The following TDRD5 variants were observed in gnomAD, a reference collection of about 807,000 sequenced individuals.
The protein encoded by TDRD5 is tudor domain containing 5, also known as tudor domain-containing protein 5.
In TDRD5, 41 loss-of-function variants were observed where a neutral mutation model predicts 120.6. The ratio of observed to expected loss-of-function variants is 0.34; its 90% CI spans 0.26 to 0.44. TDRD5 has a LOEUF of 0.44. Among genes scored for constraint, TDRD5 ranks in the 20% least tolerant of loss-of-function variants. The pLI is 1.00. For synonymous variants in TDRD5, 430 were observed against 433.7 expected, an observed-to-expected ratio of 0.99 and a Z score of 0.11; for missense variants, 1,006 against 1,221.2, an observed-to-expected ratio of 0.82 and a Z score of 2.63.
intron 16 of TDRD5, among the ~76,000 whole-genome samples, chr1:179,668,195 G>T (rs1679651603): frequency 6.6e-6 from 1 of 152,192 alleles, no homozygotes. Context: ...TTAAGCTCAA[G>T]TTCAATCTCA....
intron 11 of TDRD5, among the ~76,000 whole-genome samples, chr1:179,648,406 A>G (rs1678513793): frequency 8.7e-6 from 1 of 114,948 alleles, no homozygotes; most frequent in South Asian, 3.2e-4. Context: ...ATGAGAACAC[A>G]TGGACACAGG....
intron 2 of TDRD5, 24 bp downstream of exon 2, chr1:179,592,871 C>A: frequency 6.3e-7 from 1 of 1,598,642 alleles, no homozygotes; most frequent in South Asian, 1.1e-5. Flanking sequence ...TTTTGAAGGT[C>A]TATAAACTTT....
intron 6 of TDRD5, among the ~76,000 whole-genome samples, chr1:179,625,688 A>G (rs901693058): frequency 3.9e-5 from 6 of 152,192 alleles, no homozygotes; most frequent in Middle Eastern, 3.2e-3. Flanking sequence ...TCAAAGACTT[A>G]TATGATAGTA....
chr1:179,645,364 C>T (rs1678297597), intron 11 of TDRD5, among the ~76,000 whole-genome samples: 1 of 152,048 alleles, frequency 6.6e-6, no homozygotes. Context: ...GGATTACAGG[C>T]GTGAGCCACC....
chr1:179,661,908 T>C (rs1292169591), intron 14 of TDRD5, among the ~76,000 whole-genome samples, 196 bp from the exon 15 acceptor site: 2 of 152,234 alleles, frequency 1.3e-5, no homozygotes, highest in African/African-American at 4.8e-5. Context: ...TCTCCTCTTC[T>C]GTTCTCTTTG....
chr1:179,681,249 T>C (rs916093448), intron 17 of TDRD5, among the ~76,000 whole-genome samples: 1 of 150,626 alleles, frequency 6.6e-6, no homozygotes, highest in Non-Finnish European at 1.5e-5. Context: ...GGCTAGTTTT[T>C]TAAAAAATTT....
chr1:179,646,389 T>A (rs140352371), intron 11 of TDRD5, among the ~76,000 whole-genome samples: 7,172 of 152,220 alleles, frequency 0.047, 260 homozygotes, highest in Non-Finnish European at 0.07. Flanking sequence ...AAAAGGCCTT[T>A]GACAAAATTC....
chr1:179,618,793 TGCAAACTAA>T, intron 5 of TDRD5, 111 bp downstream of exon 5: 2 of 690,308 alleles, frequency 2.9e-6, no homozygotes, highest in East Asian at 6.9e-5. Context: ...TTTAATATAC[TGCAAACTAA>T]GCAACAATTC....
intron 3 of TDRD5, 84 bp from the exon 4 acceptor site, chr1:179,595,544 A>AGT: frequency 8.1e-7 from 1 of 1,241,724 alleles, no homozygotes; most frequent in Non-Finnish European, 1.1e-6. Context: ...GTTAGCTCAC[A>AGT]GTAGCCTCTG....
chr1:179,592,465 G>C (rs527485938), intron 1 of TDRD5, 137 bp from the exon 2 acceptor site: 1 of 662,514 alleles, frequency 1.5e-6, no homozygotes, highest in East Asian at 2.7e-5. Flanking sequence ...CAAGCCGCAG[G>C]GCACCCTCAT....
intron 11 of TDRD5, among the ~76,000 whole-genome samples, chr1:179,641,522 A>G (rs1475850962): frequency 6.6e-6 from 1 of 151,554 alleles, no homozygotes; most frequent in Non-Finnish European, 1.5e-5. Context: ...AAAGAGCGAA[A>G]CTCCGTCTCA....
chr1:179,598,509 T>C (rs569517960), intron 4 of TDRD5, among the ~76,000 whole-genome samples: 3 of 152,316 alleles, frequency 2.0e-5, no homozygotes, highest in Admixed American at 2.0e-4. Flanking sequence ...GCATGGTATA[T>C]CTTCATTTAT....
intron 14 of TDRD5, among the ~76,000 whole-genome samples, chr1:179,655,731 T>C (rs1346308392): frequency 1.3e-5 from 2 of 152,230 alleles, no homozygotes; most frequent in African/African-American, 4.8e-5. Flanking sequence ...GACTGGCTTC[T>C]TTCATTCAGT....
chr1:179,639,907 A>G lies in TDRD5; in HGVS notation c.1589A>G (p.His530Arg). 1 of 1,614,140 alleles carries G rather than the reference A, an allele frequency of 6.2e-7. No homozygotes were observed. The highest frequency in any genetic ancestry group is 8.5e-7 in the Non-Finnish European group (1 of 1,180,006). The change falls in exon 10 of 18, where the codon CAT becomes CGT. Residue 530 changes from histidine (H) to arginine (R), a missense_variant. Physicochemically the swap from His to Arg is conservative, Grantham distance 29. This residue lies in a region of TDRD5 where 158 missense variants were observed against 257.5 expected (regional missense o/e 0.61). Coordinates refer to ENST00000444136, the MANE Select transcript of TDRD5 (RefSeq NM_001199085.3). ...CCAGAATGTTTTATTCAGCCGGGAC[A>G]TCTCTGTTGTGTAAGGATTTCTGAG... ...VMPECFIQPG[H>R]LCCVRISEDK...
chr1:179,605,765 A>G (rs112429425), intron 4 of TDRD5, among the ~76,000 whole-genome samples: 23 of 152,220 alleles, frequency 1.5e-4, no homozygotes, highest in African/African-American at 5.1e-4. Flanking sequence ...ATATGCATTT[A>G]AGGTTCCTTT....
intron 11 of TDRD5, among the ~76,000 whole-genome samples, chr1:179,644,409 G>T (rs1271030772): frequency 6.6e-6 from 1 of 151,960 alleles, no homozygotes; most frequent in Admixed American, 6.6e-5. Context: ...AATAACTACA[G>T]GAGTATAAAG....
intron 10 of TDRD5, 84 bp downstream of exon 10, chr1:179,640,135 T>C: frequency 7.1e-7 from 1 of 1,417,252 alleles, no homozygotes; most frequent in South Asian, 1.2e-5. Flanking sequence ...ATCTCTCTTT[T>C]CTCTTGCCTT....
At chr1:179,634,345 T>C (rs1385627393) in intron 7 of TDRD5, 112 bp from the exon 8 acceptor site, 3 of 1,032,626 alleles carry the variant, frequency 2.9e-6, no homozygotes, top group Non-Finnish European at 4.2e-6. Flanking sequence ...TAGCACCTGG[T>C]GTGTTGAAGG....
At chr1:179,621,584 G>A (rs1241156649) in intron 6 of TDRD5, among the ~76,000 whole-genome samples, 1 of 152,074 alleles carries the variant, frequency 6.6e-6, no homozygotes, top group African/African-American at 2.4e-5. Context: ...GAAACAAATG[G>A]ACATCAGTAG....
Sources: allele counts gnomAD v4.1 joint callset (sites outside exome capture counted in the v4.1 genomes callset), GRCh38; gene constraint gnomAD v4.1.1; regional missense constraint gnomAD v4.1.1; transcripts MANE v1.5; gene names NCBI Gene and HGNC (gene_info 2026-07-23, HGNC 2026-07-21).